Variants in CDH6 observed in about 807,000 individuals in gnomAD.
The protein encoded by CDH6 is cadherin-6.
CDH6 carries 31 observed loss-of-function variants against 78.0 expected under a neutral mutation model. The ratio of observed to expected loss-of-function variants is 0.40; its 90% CI spans 0.30 to 0.54. CDH6 has a LOEUF of 0.54. CDH6 is among the 20% of genes least tolerant of loss of function. CDH6 has a pLI of 0.56. For missense variants in CDH6, 724 were observed against 975.9 expected, an observed-to-expected ratio of 0.74 and a Z score of 3.44; for synonymous variants, 376 against 368.8, an observed-to-expected ratio of 1.02 and a Z score of -0.23.
intron 1 of CDH6, among the ~76,000 whole-genome samples, chr5:31,214,611 C>T (rs762647541): frequency 1.1e-4 from 16 of 152,112 alleles, no homozygotes; most frequent in East Asian, 1.9e-4. Flanking sequence ...AAATCACATT[C>T]GAAGCTAAGG....
At chr5:31,253,274 G>C (rs1209875977) in intron 1 of CDH6, among the ~76,000 whole-genome samples, 1 of 152,192 alleles carries the variant, frequency 6.6e-6, no homozygotes, top group African/African-American at 2.4e-5. Flanking sequence ...CATGGGGGCA[G>C]TTACCCTCAT....
intron 4 of CDH6, among the ~76,000 whole-genome samples, chr5:31,298,249 T>A (rs1447662904): frequency 6.6e-6 from 1 of 152,232 alleles, no homozygotes; most frequent in Non-Finnish European, 1.5e-5. Context: ...TGAGTCAATT[T>A]CCTTTTATAC....
At chr5:31,242,904 C>T (rs866730736) in intron 1 of CDH6, among the ~76,000 whole-genome samples, 1 of 151,402 alleles carries the variant, frequency 6.6e-6, no homozygotes, top group Admixed American at 6.6e-5. Context: ...GTGGCATGCA[C>T]CTGTTAAGGT....
At chr5:31,254,533 G>A (rs1579854734) in intron 1 of CDH6, among the ~76,000 whole-genome samples, 1 of 152,264 alleles carries the variant, frequency 6.6e-6, no homozygotes, top group South Asian at 2.1e-4. Context: ...ATTGTGGGTG[G>A]AAGACATGAA....
intron 1 of CDH6, among the ~76,000 whole-genome samples, chr5:31,222,263 C>T (rs190321468): frequency 2.3e-3 from 354 of 152,228 alleles, no homozygotes; most frequent in African/African-American, 8.2e-3. Context: ...AATGAACATT[C>T]CTTAATGCCA....
chr5:31,326,622 A>G lies in CDH6; in HGVS notation c.*3314A>G, dbSNP rs890031463. 1.6e-5 allele frequency: 3 copies of G among 183,174 alleles called. No homozygotes were observed. Among genetic ancestry groups the G allele is most frequent in the African/African-American group, 7.1e-5 (3 of 42,514 alleles). The allele number at this position is 183,174 out of a possible 1,614,324, so 11.3% of individuals were successfully genotyped here. A position where few individuals can be genotyped will look rare whatever the true frequency, so the allele number is the denominator to read the frequency against. ...CCCATTTAATTTTAACGCAGTATAA[A>G]AAACGTGTGGTTTAGTTTTTATTTT... On this transcript the variant is annotated 3_prime_UTR_variant, in exon 12 of 12. Transcript: ENST00000265071.
rs147969887 is a variant in CDH6 at position 31,242,701 on chromosome 5, T to TGGGG, written c.-128-24639_-128-24636dup. Among the ~76,000 whole-genome samples the TGGGG allele has an allele frequency of 2.9e-5, 4 of 139,506 alleles. No individual in the cohort carries two copies. In the South Asian group the frequency reaches 7.3e-4, roughly 25 times the overall value. 91.5% of individuals were successfully genotyped at this position (139,506 alleles called of 152,430 possible). ...CCTGGTCTTCTCTACAGAATAAGAA[T>TGGGG]GGGGGGGGGCGGTTAGAAGAAAATA... is the stretch of plus-strand genomic sequence containing the variant. On this transcript the variant is annotated intron_variant, in intron 1 of 11. Transcript: ENST00000265071.
At chr5:31,199,549 CAT>C (rs1463641993) in intron 1 of CDH6, among the ~76,000 whole-genome samples, 15 of 144,722 alleles carry the variant, frequency 1.0e-4, no homozygotes, top group Admixed American at 5.5e-4. Flanking sequence ...TGTATACACA[CAT>C]ATGTGTATAT....
intron 1 of CDH6, among the ~76,000 whole-genome samples, chr5:31,194,103 G>A (rs1280443333): frequency 1.3e-5 from 2 of 151,994 alleles, no homozygotes; most frequent in Non-Finnish European, 2.9e-5. Context: ...GACCGACGCC[G>A]CTTCCCGGGG....
intron 2 of CDH6, among the ~76,000 whole-genome samples, chr5:31,289,034 C>A (rs572934467): frequency 6.6e-6 from 1 of 152,004 alleles, no homozygotes; most frequent in African/African-American, 2.4e-5. Context: ...GAGTATTACA[C>A]GTGTAATGGT....
chr5:31,250,699 C>A (rs1741885471), intron 1 of CDH6: 1 of 152,608 alleles, frequency 6.6e-6, no homozygotes, highest in Non-Finnish European at 1.5e-5. Context: ...GCACAAGGGG[C>A]CCCAAGGAGT....
intron 11 of CDH6, among the ~76,000 whole-genome samples, chr5:31,322,496 G>C (rs1042946462): frequency 6.6e-6 from 1 of 152,178 alleles, no homozygotes; most frequent in Non-Finnish European, 1.5e-5. Context: ...CTTTCACTGA[G>C]GCCGAGCTTC....
At chr5:31,222,430 A>AT (rs1413878361) in intron 1 of CDH6, among the ~76,000 whole-genome samples, 1 of 152,152 alleles carries the variant, frequency 6.6e-6, no homozygotes, top group Non-Finnish European at 1.5e-5. Flanking sequence ...AATTTTATGC[A>AT]TTTTACATTT....
chr5:31,265,778 T>TG (rs1204982363), intron 1 of CDH6, among the ~76,000 whole-genome samples: 3 of 134,948 alleles, frequency 2.2e-5, no homozygotes, highest in African/African-American at 8.5e-5. Context: ...TGTTTTTTTT[T>TG]TTTTTTTTTT....
chr5:31,284,975 C>G (rs900140661), intron 2 of CDH6, among the ~76,000 whole-genome samples: 14 of 152,116 alleles, frequency 9.2e-5, no homozygotes, highest in Admixed American at 2.6e-4. Flanking sequence ...CTAAAGAGAC[C>G]GTATTACTGA....
intron 7 of CDH6, among the ~76,000 whole-genome samples, chr5:31,310,986 G>A (rs1738134405): frequency 1.3e-5 from 2 of 152,194 alleles, no homozygotes. Context: ...CCCTTGTCCT[G>A]GCTATTAACA....
intron 1 of CDH6, among the ~76,000 whole-genome samples, chr5:31,259,737 GA>G (rs1295545579): frequency 1.3e-5 from 2 of 152,268 alleles, no homozygotes; most frequent in East Asian, 1.9e-4. Context: ...AATCTTTTGG[GA>G]AAAGACAGGG....
chr5:31,280,300 C>T (rs558731873), intron 2 of CDH6, among the ~76,000 whole-genome samples: 13 of 152,280 alleles, frequency 8.5e-5, no homozygotes, highest in Non-Finnish European at 1.5e-4. Flanking sequence ...CGCATTGTGT[C>T]GAGCTTTACA....
chr5:31,297,489 A>G (rs2149949324), intron 4 of CDH6, 81 bp downstream of exon 4: 2 of 1,054,178 alleles, frequency 1.9e-6, no homozygotes, highest in Non-Finnish European at 1.4e-6. Context: ...TTTAATAAAA[A>G]TAATCAATGT....
Sources: allele counts gnomAD v4.1 joint callset (sites outside exome capture counted in the v4.1 genomes callset), GRCh38; gene constraint gnomAD v4.1.1; transcripts MANE v1.5; gene names NCBI Gene and HGNC (gene_info 2026-07-23, HGNC 2026-07-21).